The following DLC1 variants were observed in gnomAD, a reference collection of about 807,000 sequenced individuals.
DLC1 encodes rho GTPase-activating protein 7.
Under a neutral mutation model 140.3 loss-of-function variants are expected in DLC1, and 54 were observed. That is an observed-to-expected ratio of 0.38 (90% confidence interval 0.31 to 0.48). The LOEUF is 0.48. DLC1 is among the 20% of genes least tolerant of loss of function. DLC1 has a pLI of 0.96. For synonymous variants in DLC1, 986 were observed against 728.1 expected, an observed-to-expected ratio of 1.35 and a Z score of -5.70; for missense variants, 2,536 against 1,907.0, an observed-to-expected ratio of 1.33 and a Z score of -6.14.
At chr8:13,206,571 C>A (rs1036069879) in intron 5 of DLC1, among the ~76,000 whole-genome samples, 2 of 152,066 alleles carry the variant, frequency 1.3e-5, no homozygotes, top group African/African-American at 4.8e-5. Flanking sequence ...CATCTAAAAA[C>A]TATAAATGTA....
At chr8:13,125,497 A>C (rs1821474524) in intron 5 of DLC1, among the ~76,000 whole-genome samples, 1 of 152,190 alleles carries the variant, frequency 6.6e-6, no homozygotes, top group African/African-American at 2.4e-5. Flanking sequence ...TCTTCCAAAG[A>C]ATCCGTGACT....
rs543875835 is a variant in DLC1 at position 13,497,115 on chromosome 8, T to C, written c.1023+1934A>G. Among the ~76,000 whole-genome samples, 4 of 152,260 alleles carry C rather than the reference T, an allele frequency of 2.6e-5. No individual in the cohort carries two copies. In the South Asian group the frequency reaches 8.3e-4, roughly 32 times the overall value. ...GCGCCTGGCCTAAACAAATTCTTTA[T>C]TGATGCAAATGTAGACTGTTTCATT... On this transcript the variant is annotated intron_variant, in intron 2 of 17. Transcript: ENST00000276297.
chr8:13,413,680 A>G (rs1293534082), intron 2 of DLC1, among the ~76,000 whole-genome samples: 3 of 151,914 alleles, frequency 2.0e-5, no homozygotes, highest in Non-Finnish European at 4.4e-5. Context: ...TTGACTTCTC[A>G]CACGATCTGA....
chr8:13,489,449 A>ACACACACACACAC (rs56002951), intron 2 of DLC1, among the ~76,000 whole-genome samples: 4,517 of 149,730 alleles, frequency 0.03, 120 homozygotes, highest in Non-Finnish European at 0.046. Flanking sequence ...ACACACACAC[A>ACACACACACACAC]AAATGTTGCT....
intron 10 of DLC1, among the ~76,000 whole-genome samples, chr8:13,097,273 A>ATTATTATTC (rs1377225334): frequency 2.0e-5 from 3 of 150,872 alleles, no homozygotes; most frequent in African/African-American, 7.3e-5. Flanking sequence ...TATTATTATT[A>ATTATTATTC]TTTTTTGAGA....
intron 4 of DLC1, among the ~76,000 whole-genome samples, chr8:13,328,548 C>T (rs1833461980): frequency 6.6e-6 from 1 of 152,110 alleles, no homozygotes; most frequent in African/African-American, 2.4e-5. Flanking sequence ...TTTGGAGAAG[C>T]TCAACTAGAG....
At chr8:13,551,991 ATGTG>A (rs557902519) in intron 1 of DLC1, among the ~76,000 whole-genome samples, 1 of 143,640 alleles carries the variant, frequency 7.0e-6, no homozygotes, top group Non-Finnish European at 1.5e-5. Flanking sequence ...GTGTATATAT[ATGTG>A]TGTGTGTGCA....
At chr8:13,285,594 A>G (rs1020170081) in intron 5 of DLC1, among the ~76,000 whole-genome samples, 1 of 152,180 alleles carries the variant, frequency 6.6e-6, no homozygotes, top group Non-Finnish European at 1.5e-5. Context: ...GGGAAATGCA[A>G]ATTAAAGACA....
chr8:13,390,035 A>G (rs776970148), intron 4 of DLC1, among the ~76,000 whole-genome samples: 2 of 152,198 alleles, frequency 1.3e-5, no homozygotes. Flanking sequence ...GTTATTACAT[A>G]TCATTTATTC....
At position 13,336,183 on chromosome 8, in the gene DLC1, C is replaced by G. The variant is rs573874486; in HGVS notation, c.1315-30881G>C. ...AGTTCATTCATCTAAGTCTTTGAAGCATATTCCATTATTTGCTCAAGTCTA... is the reference window on the plus strand; with the variant it reads ...AGTTCATTCATCTAAGTCTTTGAAGGATATTCCATTATTTGCTCAAGTCTA... On this transcript the variant is annotated intron_variant, in intron 4 of 17. Coordinates refer to ENST00000276297, the MANE Select transcript of DLC1 (RefSeq NM_182643.3). Among the ~76,000 whole-genome samples the G allele has an allele frequency of 9.9e-5, 15 of 152,074 alleles. No homozygotes were observed. The South Asian group carries it at 3.1e-3, about 32-fold the overall frequency.
At chr8:13,280,699 AT>A (rs1831336766) in intron 5 of DLC1, among the ~76,000 whole-genome samples, 1 of 152,152 alleles carries the variant, frequency 6.6e-6, no homozygotes, top group Non-Finnish European at 1.5e-5. Flanking sequence ...CTTTGGTCTT[AT>A]GGCCACTGTT....
chr8:13,120,605 C>A, intron 5 of DLC1, among the ~76,000 whole-genome samples: 1 of 151,600 alleles, frequency 6.6e-6, no homozygotes, highest in African/African-American at 2.4e-5. Flanking sequence ...CCCCACTGAA[C>A]AAAAATGCCA....
At chr8:13,435,011 G>C (rs1456077950) in intron 2 of DLC1, among the ~76,000 whole-genome samples, 1 of 152,076 alleles carries the variant, frequency 6.6e-6, no homozygotes, top group Non-Finnish European at 1.5e-5. Flanking sequence ...AATACATTTT[G>C]TAAGGCTATA....
At chr8:13,285,177 T>G (rs1404917521) in intron 5 of DLC1, among the ~76,000 whole-genome samples, 3 of 152,192 alleles carry the variant, frequency 2.0e-5, no homozygotes, top group Non-Finnish European at 4.4e-5. Context: ...TTGATTTAAC[T>G]ATAGAAATTA....
rs1169620786 is a variant in DLC1, at chr8:13,451,037, C to CAAAAAAAAAAAAAAAAAAAAAA, written c.1023+47990_1023+48011dup. Among the ~76,000 whole-genome samples, 27 of 18,372 alleles carry CAAAAAAAAAAAAAAAAAAAAAA rather than the reference C, an allele frequency of 1.5e-3. 7 individuals carry two copies. Among genetic ancestry groups the CAAAAAAAAAAAAAAAAAAAAAA allele is most frequent in the Non-Finnish European group, 2.2e-3 (16 of 7,210 alleles). 12.1% of individuals were successfully genotyped at this position (18,372 alleles called of 152,430 possible). ...CTGGTGATAGAGTGAGACTCCGTCTCAAAAAAAAAAAAAAAAAAAAAAAAA... is the reference window on the plus strand; with the variant it reads ...CTGGTGATAGAGTGAGACTCCGTCTCAAAAAAAAAAAAAAAAAAAAAAAAAAAAAAAAAAAAAAAAAAAAAAA... On this transcript the variant is annotated intron_variant, in intron 2 of 17. Transcript: ENST00000276297.
intron 4 of DLC1, among the ~76,000 whole-genome samples, chr8:13,350,699 G>A (rs933464782): frequency 1.3e-5 from 2 of 151,634 alleles, no homozygotes; most frequent in Non-Finnish European, 2.9e-5. Context: ...CTGGGCCATG[G>A]AGCAAGACTC....
chr8:13,592,299 T>C (rs1039467647), intron 1 of DLC1, among the ~76,000 whole-genome samples: 4 of 152,140 alleles, frequency 2.6e-5, no homozygotes, highest in African/African-American at 9.6e-5. Context: ...TATAAGATCT[T>C]ACCATACATC....
intron 4 of DLC1, chr8:13,342,783 CG>C (rs1354825066): frequency 1.3e-5 from 2 of 151,894 alleles, no homozygotes; most frequent in African/African-American, 4.8e-5. Flanking sequence ...ACATATCCAT[CG>C]GTTCTGTTTC....
At chr8:13,238,634 G>T (rs548368743) in intron 5 of DLC1, among the ~76,000 whole-genome samples, 2 of 152,090 alleles carry the variant, frequency 1.3e-5, no homozygotes, top group African/African-American at 2.4e-5. Flanking sequence ...TCCTTAATCA[G>T]CTCCCCTCCA....
Sources: gnomAD v4.1 joint callset for allele counts (sites outside exome capture counted in the v4.1 genomes callset) on GRCh38, gnomAD v4.1.1 for gene constraint, MANE v1.5 for transcripts, NCBI Gene and HGNC (gene_info 2026-07-23, HGNC 2026-07-21) for gene names.